Variants in PTK7 observed in about 807,000 individuals in gnomAD.
The protein encoded by PTK7 is inactive tyrosine-protein kinase 7.
A neutral mutation model predicts 116.6 loss-of-function variants in PTK7; 39 were observed. That is an observed-to-expected ratio of 0.33 (90% CI 0.26 to 0.44). The LOEUF is 0.44. Ranked by LOEUF, PTK7 falls within the 20% of genes least tolerant of loss-of-function variation. The pLI is 1.00. For synonymous variants in PTK7, 546 were observed against 563.6 expected (o/e 0.97, Z 0.44); for missense variants, 1,169 against 1,425.6 (o/e 0.82, Z 2.90).
intron 17 of PTK7, among the ~76,000 whole-genome samples, chr6:43,146,932 G>C (rs780243032): frequency 6.6e-6 from 1 of 152,264 alleles, no homozygotes; most frequent in African/African-American, 2.4e-5. Context: ...ATGTAGCCTG[G>C]AAGTGGCTTT....
At position 43,145,035 on chromosome 6, in the gene PTK7, G is replaced by A; in HGVS notation, c.2408-165G>A. 1.8e-6 allele frequency: 1 copy of A among 541,122 alleles called. No individual in the cohort carries two copies. The highest frequency in any genetic ancestry group is 3.6e-5 in the South Asian group (1 of 27,648). 33.5% of individuals were successfully genotyped at this position (541,122 alleles called of 1,614,324 possible). A position where few individuals can be genotyped will look rare whatever the true frequency, so the allele number is the denominator to read the frequency against. ...AGTCCCACCCTTTTATTTTGTTGCT[G>A]CAGACACTGAAGCCTAAGGAGGGAG... On this transcript the variant is annotated intron_variant, in intron 15 of 19. Transcript: ENST00000230419. This position sits in a 1 kb window ranked among gnomAD's most constrained non-coding sequence, Gnocchi z 4.8.
chr6:43,142,592 T>C, intron 13 of PTK7: 1 of 483,910 alleles, frequency 2.1e-6, no homozygotes, highest in South Asian at 1.9e-5. Flanking sequence ...CACACATATC[T>C]CTGGGTGGCT....
At chr6:43,128,871 G>A (rs115266754) in intron 1 of PTK7, 106 bp from the exon 2 acceptor site, 26,389 of 1,191,150 alleles carry the variant, frequency 0.022, 380 homozygotes, top group Non-Finnish European at 0.025. Context: ...CTTACTGGAC[G>A]CCTCCTGTGT....
chr6:43,159,733 A>G (rs1771725261), intron 18 of PTK7, 55 bp from the exon 19 acceptor site: 2 of 1,570,552 alleles, frequency 1.3e-6, no homozygotes, highest in Non-Finnish European at 1.8e-6. Context: ...ATGAGGGTGC[A>G]GCGCCAGGCC....
intron 1 of PTK7, among the ~76,000 whole-genome samples, chr6:43,124,178 C>T (rs1239356239): frequency 6.6e-6 from 1 of 152,098 alleles, no homozygotes; most frequent in African/African-American, 2.4e-5. Flanking sequence ...AGTCAGGGGG[C>T]GGGGACAGGA....
intron 1 of PTK7, among the ~76,000 whole-genome samples, chr6:43,098,523 T>G (rs1466455495): frequency 2.0e-5 from 3 of 151,914 alleles, no homozygotes; most frequent in African/African-American, 7.3e-5. Context: ...GCCTGGCTAA[T>G]TTTTGCATTT....
At chr6:43,082,680 T>C (rs1434767268) in intron 1 of PTK7, among the ~76,000 whole-genome samples, 1 of 152,234 alleles carries the variant, frequency 6.6e-6, no homozygotes, top group Non-Finnish European at 1.5e-5. Context: ...TGGGGTGATG[T>C]GTACGCTTTA....
In PTK7 at chr6:43,139,150, G is replaced by A; in HGVS notation, c.1377G>A (p.Glu459=). 1.9e-6 allele frequency: 3 copies of A among 1,614,222 alleles called. No homozygotes were observed. The highest frequency in any genetic ancestry group is 2.5e-6 in the Non-Finnish European group (3 of 1,180,042). Residue 459 remains glutamate (E), a synonymous_variant, in exon 9 of 20, where the codon GAG becomes GAA. Transcript: ENST00000230419. The surrounding 1 kb of genome is among the most constrained non-coding windows in gnomAD (Gnocchi z 4.6). Reference sequence around the variant, plus strand: ...CTGTGCTGCAGGACTCACGGTTCGAGGTCTTCAAGAATGGGACCTTGCGCA... The same window carrying A: ...CTGTGCTGCAGGACTCACGGTTCGAAGTCTTCAAGAATGGGACCTTGCGCA... The part of the protein sequence containing the change: ...QMLISEDSRF[E]VFKNGTLRIN...
At chr6:43,142,460 T>C (rs1391113435) in intron 13 of PTK7, 161 bp downstream of exon 13, 1 of 1,133,610 alleles carries the variant, frequency 8.8e-7, no homozygotes, top group Admixed American at 2.0e-5. Flanking sequence ...CTTAGAGTCC[T>C]TGCTCAGAGC....
intron 1 of PTK7, among the ~76,000 whole-genome samples, chr6:43,095,643 A>G (rs1767211211): frequency 6.6e-6 from 1 of 152,188 alleles, no homozygotes; most frequent in Admixed American, 6.5e-5. Flanking sequence ...TTGGCTTCCT[A>G]TGAGAGTGTT....
At chr6:43,125,040 C>G (rs1769206385) in intron 1 of PTK7, among the ~76,000 whole-genome samples, 1 of 152,174 alleles carries the variant, frequency 6.6e-6, no homozygotes, top group Non-Finnish European at 1.5e-5. Context: ...GGCGTGGTAG[C>G]TCATGCCAGT....
rs746019072 is a variant in PTK7 at position 43,139,243 on chromosome 6, C to T, written c.1470C>T (p.Ile490=). The stretch of plus-strand genomic sequence containing the variant: ...TGAGCAGCACCCCAGCCGGCAGCAT[C>T]GAGGCGCAAGCCCGTGTCCAAGTGC... ...RCMSSTPAGS[I]EAQARVQVLE... The change falls in exon 9 of 20, where the codon ATC becomes ATT. Residue 490 remains isoleucine, a synonymous_variant. Transcript: ENST00000230419. The surrounding 1 kb of genome is among the most constrained non-coding windows in gnomAD (Gnocchi z 4.6). The T allele has an allele frequency of 2.0e-5, 32 of 1,614,100 alleles. No homozygotes were observed. The highest frequency in any genetic ancestry group is 1.1e-4 in the African/African-American group (8 of 74,932).
At chr6:43,078,620 A>G (rs1340386711) in intron 1 of PTK7, among the ~76,000 whole-genome samples, 1 of 152,200 alleles carries the variant, frequency 6.6e-6, no homozygotes, top group African/African-American at 2.4e-5. Flanking sequence ...CCCACTGTTA[A>G]TAAGGCTGGA....
intron 17 of PTK7, among the ~76,000 whole-genome samples, chr6:43,157,832 T>G (rs1447545317): frequency 6.6e-6 from 1 of 152,006 alleles, no homozygotes; most frequent in Non-Finnish European, 1.5e-5. Context: ...GTTCAAGCGA[T>G]TCTTCTGCCT....
chr6:43,134,428 C>T (rs965823898), intron 7 of PTK7, among the ~76,000 whole-genome samples: 4 of 152,088 alleles, frequency 2.6e-5, no homozygotes, highest in Non-Finnish European at 5.9e-5. Context: ...AGGAAGATCT[C>T]TTGAGCCCAG....
intron 1 of PTK7, among the ~76,000 whole-genome samples, chr6:43,104,067 C>T (rs1185218531): frequency 6.6e-6 from 1 of 152,144 alleles, no homozygotes; most frequent in East Asian, 1.9e-4. Flanking sequence ...TAGAGCAGTG[C>T]CTGGCACATA....
At chr6:43,098,385 T>C (rs965585692) in intron 1 of PTK7, among the ~76,000 whole-genome samples, 1 of 151,210 alleles carries the variant, frequency 6.6e-6, no homozygotes, top group South Asian at 2.1e-4. Context: ...TGAGACAGCC[T>C]CGCTCTGTCG....
chr6:43,152,974 TG>T (rs60671681), intron 17 of PTK7, among the ~76,000 whole-genome samples: 2,250 of 151,230 alleles, frequency 0.015, 56 homozygotes, highest in African/African-American at 0.051. Context: ...TTAGTAGAGA[TG>T]GGGTTTCACC....
chr6:43,142,277 G>T lies in PTK7; in HGVS notation c.2025G>T (p.Thr675=), dbSNP rs756545753. Residue 675 remains threonine (T), a synonymous_variant, in exon 13 of 20, where the codon ACG becomes ACT. Transcript: ENST00000230419. ...GCAACAGCTGCAACATCAAGCACACGGAGGCCCCCCTCTATGTCGTGGGTA... is the reference window on the plus strand; with the variant it reads ...GCAACAGCTGCAACATCAAGCACACTGAGGCCCCCCTCTATGTCGTGGGTA... ...IAGNSCNIKH[T]EAPLYVVDKP... 24 of 1,614,058 alleles carry T rather than the reference G, an allele frequency of 1.5e-5. No individual in the cohort carries two copies. Among genetic ancestry groups the T allele is most frequent in the Non-Finnish European group, 2.0e-5 (24 of 1,180,042 alleles).
Sources: allele counts gnomAD v4.1 joint callset (sites outside exome capture counted in the v4.1 genomes callset), GRCh38; gene constraint gnomAD v4.1.1; non-coding constraint Gnocchi (gnomAD v3.1); transcripts MANE v1.5; gene names NCBI Gene and HGNC (gene_info 2026-07-23, HGNC 2026-07-21).